SDK1: variants seen among roughly 807,000 people sequenced by gnomAD.
SDK1 encodes the protein protein sidekick-1.
In SDK1, 157 loss-of-function variants were observed where a neutral mutation model predicts 245.5. The ratio of observed to expected loss-of-function variants is 0.64; its 90% CI spans 0.56 to 0.73. SDK1 has a LOEUF of 0.73. Among genes scored for constraint, SDK1 ranks in the 30% least tolerant of loss-of-function variants. The probability of loss-of-function intolerance (pLI) is 0.00; values close to 1 mark genes in which losing one functional copy is unlikely to be tolerated. For missense variants in SDK1, 3,583 were observed against 3,002.3 expected, an observed-to-expected ratio of 1.19 and a Z score of -4.52; for synonymous variants, 1,647 against 1,278.5, an observed-to-expected ratio of 1.29 and a Z score of -6.15.
intron 4 of SDK1, among the ~76,000 whole-genome samples, chr7:3,752,208 C>T (rs1240256033): frequency 6.6e-6 from 1 of 152,162 alleles, no homozygotes; most frequent in African/African-American, 2.4e-5. Flanking sequence ...CTTTTATTCA[C>T]TCTTATTAGG....
chr7:4,211,638 C>T (rs1784517356), intron 38 of SDK1, among the ~76,000 whole-genome samples: 1 of 152,136 alleles, frequency 6.6e-6, no homozygotes, highest in South Asian at 2.1e-4. Flanking sequence ...GAGACGGAGT[C>T]TTGCTCTGTC....
At chr7:4,111,616 A>G (rs929481854) in intron 23 of SDK1, among the ~76,000 whole-genome samples, 1 of 152,186 alleles carries the variant, frequency 6.6e-6, no homozygotes, top group African/African-American at 2.4e-5. Flanking sequence ...AGGACACAAT[A>G]CACTGGGTTT....
At chr7:3,447,394 T>C (rs1562491633) in intron 1 of SDK1, among the ~76,000 whole-genome samples, 1 of 151,700 alleles carries the variant, frequency 6.6e-6, no homozygotes, top group Non-Finnish European at 1.5e-5. Flanking sequence ...CTCTTCATAC[T>C]CTTCCCCATG....
chr7:3,951,946 T>C lies in SDK1; in HGVS notation c.1150+26T>C, dbSNP rs372668289. 8.2e-5 allele frequency: 131 copies of C among 1,595,444 alleles called. No individual in the cohort carries two copies. In the African/African-American group the frequency reaches 1.7e-3, roughly 21 times the overall value. On this transcript the variant is annotated intron_variant, in intron 7 of 44. Coordinates refer to ENST00000404826, the MANE Select transcript of SDK1 (RefSeq NM_152744.4). ...GTAATGCGGGAGCCTCTAAGTGGTG[T>C]TGCCAGCATCTCAGATAGCATCCGA...
At chr7:4,015,429 C>T (rs1583834342) in intron 16 of SDK1, among the ~76,000 whole-genome samples, 1 of 152,224 alleles carries the variant, frequency 6.6e-6, no homozygotes, top group South Asian at 2.1e-4. Flanking sequence ...GAGCCAGTTT[C>T]TACCTTTTCC....
chr7:3,813,381 G>A (rs549614060), intron 4 of SDK1, among the ~76,000 whole-genome samples: 12 of 145,990 alleles, frequency 8.2e-5, no homozygotes, highest in African/African-American at 1.5e-4. Context: ...TTGTTCTTGC[G>A]ATAGTTTACT....
intron 1 of SDK1, among the ~76,000 whole-genome samples, chr7:3,503,634 G>T (rs984677108): frequency 1.3e-5 from 2 of 152,076 alleles, no homozygotes; most frequent in Non-Finnish European, 2.9e-5. Context: ...CTATGACCAT[G>T]CCACTGCACT....
chr7:3,698,403 G>A (rs1784636746), intron 4 of SDK1, among the ~76,000 whole-genome samples: 1 of 152,158 alleles, frequency 6.6e-6, no homozygotes, highest in Non-Finnish European at 1.5e-5. Context: ...CTTACCTGGT[G>A]CTGTCAGGGT....
At chr7:3,462,629 A>G (rs976685087) in intron 1 of SDK1, among the ~76,000 whole-genome samples, 13 of 152,128 alleles carry the variant, frequency 8.5e-5, no homozygotes, top group African/African-American at 3.1e-4. Flanking sequence ...CTATCTACCT[A>G]GTCCAGCTGT....
intron 4 of SDK1, among the ~76,000 whole-genome samples, chr7:3,813,528 T>A (rs1176136174): frequency 6.7e-6 from 1 of 149,160 alleles, no homozygotes; most frequent in Non-Finnish European, 1.5e-5. Context: ...ACATTTGGGT[T>A]GGTTCCAAGT....
chr7:4,132,946 G>A (rs929788976), intron 28 of SDK1, among the ~76,000 whole-genome samples: 3 of 152,048 alleles, frequency 2.0e-5, no homozygotes, highest in South Asian at 2.1e-4. Flanking sequence ...TTTTTTTAAC[G>A]TGGAATTTCT....
At chr7:3,859,642 T>C (rs771912554) in intron 5 of SDK1, among the ~76,000 whole-genome samples, 1 of 152,122 alleles carries the variant, frequency 6.6e-6, no homozygotes, top group Non-Finnish European at 1.5e-5. Context: ...CCCATAAAAA[T>C]TCCTTCTCTT....
chr7:3,398,108 T>C (rs1193671313), intron 1 of SDK1, among the ~76,000 whole-genome samples: 1 of 152,092 alleles, frequency 6.6e-6, no homozygotes, highest in Non-Finnish European at 1.5e-5. Context: ...GTTTAACGTT[T>C]TCTGTAACTG....
intron 1 of SDK1, among the ~76,000 whole-genome samples, chr7:3,416,684 A>T (rs550644988): frequency 1.3e-5 from 2 of 152,182 alleles, no homozygotes; most frequent in East Asian, 3.9e-4. Context: ...TCAGGTCTGG[A>T]AGAAGAACAT....
chr7:3,494,898 A>C (rs1412689278), intron 1 of SDK1, among the ~76,000 whole-genome samples: 6 of 152,182 alleles, frequency 3.9e-5, no homozygotes, highest in Admixed American at 3.9e-4. Flanking sequence ...ATGGTTTCAA[A>C]TGTGTCTCCT....
At chr7:3,810,631 G>A (rs893530740) in intron 4 of SDK1, among the ~76,000 whole-genome samples, 8 of 152,208 alleles carry the variant, frequency 5.3e-5, no homozygotes, top group African/African-American at 1.9e-4. Context: ...AATCCCTGAT[G>A]AAATAAATCC....
At chr7:3,613,807 C>T (rs78232015) in intron 1 of SDK1, among the ~76,000 whole-genome samples, 1,522 of 143,772 alleles carry the variant, frequency 0.011, 36 homozygotes, top group African/African-American at 0.042. Context: ...AAAAACTATG[C>T]AGATCATGTC....
chr7:4,145,781 G>T lies in SDK1; in HGVS notation c.4288G>T (p.Val1430Phe), dbSNP rs889615333. The change falls in exon 29 of 45, where the codon GTC (valine) becomes TTC (phenylalanine). Residue 1430 changes from valine to phenylalanine, a missense_variant. Coordinates refer to ENST00000404826, the MANE Select transcript of SDK1 (RefSeq NM_152744.4). The stretch of plus-strand genomic sequence containing the variant: ...CCCCCACACCTTCACCACCGTGGAG[G>T]TCGGCGCCACAGTGAGGCAGTTCAC... ...SSPHTFTTVE[V>F]GATVRQFTAT... 6 of 1,613,624 alleles carry T rather than the reference G, an allele frequency of 3.7e-6. No individual in the cohort carries two copies. The African/African-American group carries it at 6.7e-5, about 18-fold the overall frequency.
At chr7:4,117,193 G>A (rs1026675267) in intron 25 of SDK1, among the ~76,000 whole-genome samples, 3 of 152,182 alleles carry the variant, frequency 2.0e-5, no homozygotes, top group Non-Finnish European at 2.9e-5. Context: ...TATTGGCCAG[G>A]CAGGGTCCTC....
Sources: allele counts gnomAD v4.1 joint callset (sites outside exome capture counted in the v4.1 genomes callset), GRCh38; gene constraint gnomAD v4.1.1; transcripts MANE v1.5; gene names NCBI Gene and HGNC (gene_info 2026-07-23, HGNC 2026-07-21).